Variants in MIPOL1 observed in about 807,000 individuals in gnomAD.
MIPOL1 encodes mirror-image polydactyly 1.
Under a neutral mutation model 60.9 loss-of-function variants are expected in MIPOL1, and 57 were observed. The ratio of observed to expected loss-of-function variants is 0.94; its 90% CI spans 0.76 to 1.17. The LOEUF (loss-of-function observed/expected upper bound fraction) is 1.17. Among genes scored for constraint, MIPOL1 ranks in the 50% most tolerant of loss-of-function variants. The pLI is 0.00. For synonymous variants in MIPOL1, 179 were observed against 168.8 expected, an observed-to-expected ratio of 1.06 and a Z score of -0.47; for missense variants, 551 against 511.6, an observed-to-expected ratio of 1.08 and a Z score of -0.74.
intron 7 of MIPOL1, among the ~76,000 whole-genome samples, chr14:37,298,697 A>G (rs556509528): frequency 1.3e-5 from 2 of 152,314 alleles, no homozygotes; most frequent in South Asian, 2.1e-4. Flanking sequence ...ACATGAAAAA[A>G]TGCTCATCAT....
rs1463785829 is a variant in MIPOL1 at position 37,214,944 on chromosome 14, C to G, written c.-199+16840C>G. ...CCATCTCTTGTGGAGGGCCTGACAT[C>G]AGTCAGGCCCACCCGCAGTTATCCG... On this transcript the variant is annotated intron_variant, in intron 1 of 12. Coordinates refer to ENST00000684589, the MANE Select transcript of MIPOL1 (RefSeq NM_001388067.1). Among the ~76,000 whole-genome samples, 3 of 151,508 alleles carry G rather than the reference C, an allele frequency of 2.0e-5. No homozygotes were observed. In the South Asian group the frequency reaches 6.2e-4, roughly 32 times the overall value.
At chr14:37,306,444 C>A (rs2086791682) in intron 7 of MIPOL1, among the ~76,000 whole-genome samples, 1 of 151,816 alleles carries the variant, frequency 6.6e-6, no homozygotes, top group South Asian at 2.1e-4. Context: ...TGTCCTGTAT[C>A]TGTTCACATT....
chr14:37,433,095 C>G (rs1261143186), intron 11 of MIPOL1, among the ~76,000 whole-genome samples: 1 of 152,206 alleles, frequency 6.6e-6, no homozygotes, highest in Non-Finnish European at 1.5e-5. Flanking sequence ...GGGTCTCGCT[C>G]TGTTTCCTAG....
chr14:37,337,354 A>ATG (rs2090228464), intron 9 of MIPOL1, among the ~76,000 whole-genome samples: 4 of 32,654 alleles, frequency 1.2e-4, no homozygotes, highest in Non-Finnish European at 1.8e-4. Flanking sequence ...ATATATATAT[A>ATG]TATTTTTTTT....
Position 37,422,835 on chromosome 14 carries a change from A to G in MIPOL1, c.937-20A>G. 1 of 1,515,054 alleles carries G rather than the reference A, an allele frequency of 6.6e-7. No homozygotes were observed. The highest frequency in any genetic ancestry group is 9.1e-7 in the Non-Finnish European group (1 of 1,102,944). 93.9% of individuals were successfully genotyped at this position (1,515,054 alleles called of 1,614,324 possible). A position where few individuals can be genotyped will look rare whatever the true frequency, so the allele number is the denominator to read the frequency against. On this transcript the variant is annotated intron_variant, in intron 10 of 12. Coordinates refer to ENST00000684589, the MANE Select transcript of MIPOL1 (RefSeq NM_001388067.1). ...TACCAAAATGAATACTGAATTTCTT[A>G]AAATATTAATTACTTTTAGGCAAAG...
chr14:37,335,999 G>A (rs1226119844), intron 9 of MIPOL1, among the ~76,000 whole-genome samples: 1 of 150,900 alleles, frequency 6.6e-6, no homozygotes, highest in East Asian at 1.9e-4. Context: ...TTTTTTCCCT[G>A]TATTTTCTTC....
At chr14:37,374,296 A>G (rs1405866044) in intron 10 of MIPOL1, among the ~76,000 whole-genome samples, 1 of 152,090 alleles carries the variant, frequency 6.6e-6, no homozygotes, top group African/African-American at 2.4e-5. Flanking sequence ...CCTTTGTCAG[A>G]TGGGTAGATT....
intron 12 of MIPOL1, among the ~76,000 whole-genome samples, chr14:37,543,432 C>T (rs1292053628): frequency 6.6e-6 from 1 of 152,086 alleles, no homozygotes; most frequent in Non-Finnish European, 1.5e-5. Context: ...TGTGCCACCA[C>T]ACCTGGCTAA....
intron 1 of MIPOL1, among the ~76,000 whole-genome samples, chr14:37,217,035 G>C (rs2139424156): frequency 6.6e-6 from 1 of 152,014 alleles, no homozygotes; most frequent in South Asian, 2.1e-4. Flanking sequence ...GTCAGACTAA[G>C]AAAAAAGAGA....
chr14:37,332,387 C>T (rs1244895329), intron 9 of MIPOL1, among the ~76,000 whole-genome samples: 1 of 152,112 alleles, frequency 6.6e-6, no homozygotes, highest in Non-Finnish European at 1.5e-5. Flanking sequence ...TGGAACCATC[C>T]TTGCATCCCT....
chr14:37,343,838 T>C (rs917273483), intron 9 of MIPOL1, among the ~76,000 whole-genome samples: 1 of 152,224 alleles, frequency 6.6e-6, no homozygotes, highest in Non-Finnish European at 1.5e-5. Context: ...ATTTTATTAG[T>C]TCACTAGCAT....
intron 9 of MIPOL1, among the ~76,000 whole-genome samples, chr14:37,338,558 G>A (rs935978167): frequency 3.3e-5 from 5 of 151,794 alleles, no homozygotes; most frequent in Non-Finnish European, 5.9e-5. Context: ...ATAGGTGTGC[G>A]CCACCATGCC....
At chr14:37,216,759 C>T (rs1206060258) in intron 1 of MIPOL1, among the ~76,000 whole-genome samples, 2 of 152,022 alleles carry the variant, frequency 1.3e-5, no homozygotes, top group East Asian at 3.9e-4. Context: ...CACAACATAA[C>T]AAAACCTATG....
chr14:37,318,298 G>T (rs2088155283), intron 9 of MIPOL1, among the ~76,000 whole-genome samples: 1 of 152,096 alleles, frequency 6.6e-6, no homozygotes, highest in East Asian at 1.9e-4. Flanking sequence ...GCATGTAATA[G>T]ATACAAAATA....
At chr14:37,351,598 A>G (rs1302505066) in intron 9 of MIPOL1, among the ~76,000 whole-genome samples, 1 of 143,782 alleles carries the variant, frequency 7.0e-6, no homozygotes, top group South Asian at 2.4e-4. Context: ...AATGATTGCC[A>G]TTCTAACTGG....
chr14:37,443,893 G>A (rs543021485), intron 11 of MIPOL1, among the ~76,000 whole-genome samples: 1 of 152,030 alleles, frequency 6.6e-6, no homozygotes, highest in Non-Finnish European at 1.5e-5. Context: ...ACAGAATAAG[G>A]AAGAGAAAAT....
chr14:37,527,446 G>A (rs1315237472), intron 12 of MIPOL1, among the ~76,000 whole-genome samples: 4 of 151,970 alleles, frequency 2.6e-5, no homozygotes, highest in African/African-American at 4.8e-5. Flanking sequence ...TAGAAGCCCA[G>A]TAGGTAATAG....
At chr14:37,525,068 G>A (rs1490046124) in intron 12 of MIPOL1, among the ~76,000 whole-genome samples, 1 of 152,158 alleles carries the variant, frequency 6.6e-6, no homozygotes, top group East Asian at 1.9e-4. Context: ...AGTAGTTCGT[G>A]TCCTACCTTG....
At chr14:37,454,222 A>G (rs1195403975) in intron 11 of MIPOL1, among the ~76,000 whole-genome samples, 2 of 152,132 alleles carry the variant, frequency 1.3e-5, no homozygotes, top group Admixed American at 6.5e-5. Context: ...AGCTATGCTC[A>G]TGGCTCCAGA....
Sources: gnomAD v4.1 joint callset for allele counts (sites outside exome capture counted in the v4.1 genomes callset) on GRCh38, gnomAD v4.1.1 for gene constraint, MANE v1.5 for transcripts, NCBI Gene and HGNC (gene_info 2026-07-23, HGNC 2026-07-21) for gene names.